ITPR1: variants seen among roughly 807,000 people sequenced by gnomAD.
The protein encoded by ITPR1 is inositol 1,4,5-trisphosphate receptor type 1.
In ITPR1, 96 loss-of-function variants were observed where a neutral mutation model predicts 318.4. That is an observed-to-expected ratio of 0.30 (90% CI 0.26 to 0.36). The LOEUF is 0.36. Among genes scored for constraint, ITPR1 ranks in the 10% least tolerant of loss-of-function variants. ITPR1 has a pLI of 1.00. For missense variants in ITPR1, 2,440 were observed against 3,460.2 expected, an observed-to-expected ratio of 0.71 and a Z score of 7.40; for synonymous variants, 1,312 against 1,289.9, an observed-to-expected ratio of 1.02 and a Z score of -0.37.
At chr3:4,576,051 A>T (rs1384013301) in intron 4 of ITPR1, among the ~76,000 whole-genome samples, 1 of 151,670 alleles carries the variant, frequency 6.6e-6, no homozygotes, top group Non-Finnish European at 1.5e-5. Context: ...GTGGCTGGTG[A>T]TAAGAGATTT....
At chr3:4,789,062 T>C (rs1485725912) in intron 52 of ITPR1, among the ~76,000 whole-genome samples, 1 of 152,190 alleles carries the variant, frequency 6.6e-6, no homozygotes, top group Non-Finnish European at 1.5e-5. Context: ...TAGATCAGGC[T>C]AATGGCAGAT....
intron 61 of ITPR1, 144 bp downstream of exon 61, chr3:4,837,079 C>G (rs2050977431): frequency 4.9e-6 from 3 of 612,354 alleles, no homozygotes; most frequent in East Asian, 3.0e-5. Flanking sequence ...CAAACCCACT[C>G]ACTCCTCCAG....
At chr3:4,532,965 A>G (rs1467576254) in intron 4 of ITPR1, among the ~76,000 whole-genome samples, 1 of 152,192 alleles carries the variant, frequency 6.6e-6, no homozygotes, top group African/African-American at 2.4e-5. Context: ...TGCAGAGGGA[A>G]TTTCTGCTCT....
rs139514488 is a variant in ITPR1, at chr3:4,811,154, C to T, written c.7273-111C>T. On this transcript the variant is annotated intron_variant, in intron 55 of 61. Coordinates refer to ENST00000649015, the MANE Select transcript of ITPR1 (RefSeq NM_001378452.1). ...TTCAGTGTTAAGATCATATGTAGTG[C>T]TTTTGAGTGTCTAAGAGGGCAAACT... The T allele has an allele frequency of 8.2e-4, 514 of 626,248 alleles. 10 individuals are homozygous for T. The Admixed American group carries it at 0.012, about 14-fold the overall frequency. The allele number at this position is 626,248 out of a possible 1,614,324, so 38.8% of individuals were successfully genotyped here. A position where few individuals can be genotyped will look rare whatever the true frequency, so the allele number is the denominator to read the frequency against.
At chr3:4,538,899 G>C (rs1434291612) in intron 4 of ITPR1, among the ~76,000 whole-genome samples, 1 of 152,164 alleles carries the variant, frequency 6.6e-6, no homozygotes, top group African/African-American at 2.4e-5. Flanking sequence ...GGGAGGAAGA[G>C]CATCAGAATA....
intron 32 of ITPR1, among the ~76,000 whole-genome samples, chr3:4,693,081 G>A (rs186048821): frequency 2.0e-5 from 3 of 152,198 alleles, no homozygotes; most frequent in East Asian, 3.9e-4. Flanking sequence ...CCGAGATCAC[G>A]GCATTGCACT....
Position 4,846,239 on chromosome 3 carries a change from AG to A in ITPR1, c.*16del. 1 of 1,514,886 alleles carries A rather than the reference AG, an allele frequency of 6.6e-7. No homozygotes were observed. The highest frequency in any genetic ancestry group is 9.0e-7 in the Non-Finnish European group (1 of 1,112,592). The allele number at this position is 1,514,886 out of a possible 1,614,324, so 93.8% of individuals were successfully genotyped here. On this transcript the variant is annotated 3_prime_UTR_variant, in exon 62 of 62. Coordinates refer to ENST00000649015, the MANE Select transcript of ITPR1 (RefSeq NM_001378452.1). Reference sequence around the variant, plus strand: ...CAACCAGCATAAGCAAATGAAAGAAAGGAATTGTATTTACCTTTTATAATTA... The same window carrying A: ...CAACCAGCATAAGCAAATGAAAGAAAGAATTGTATTTACCTTTTATAATTA...
At chr3:4,512,896 G>A (rs536548140) in intron 2 of ITPR1, among the ~76,000 whole-genome samples, 2 of 152,172 alleles carry the variant, frequency 1.3e-5, no homozygotes, top group Admixed American at 6.5e-5. Flanking sequence ...AGGGTGGAGT[G>A]CGGGAGCTGA....
intron 39 of ITPR1, among the ~76,000 whole-genome samples, chr3:4,714,387 C>T (rs1384064296): frequency 6.6e-6 from 1 of 152,204 alleles, no homozygotes; most frequent in Non-Finnish European, 1.5e-5. Context: ...CCATGACTGA[C>T]ACTTCCCTGG....
intron 59 of ITPR1, among the ~76,000 whole-genome samples, chr3:4,815,425 G>C (rs935084735): frequency 1.3e-5 from 2 of 152,090 alleles, no homozygotes; most frequent in Non-Finnish European, 2.9e-5. Context: ...TACAGACCTG[G>C]GTTCTGACTG....
At chr3:4,542,684 G>GT (rs1553616559) in intron 4 of ITPR1, among the ~76,000 whole-genome samples, 4 of 148,672 alleles carry the variant, frequency 2.7e-5, no homozygotes, top group East Asian at 2.0e-4. Flanking sequence ...TGTGTGTGGC[G>GT]GGGGGGTGGG....
At chr3:4,531,326 C>T (rs2083396179) in intron 4 of ITPR1, among the ~76,000 whole-genome samples, 1 of 152,172 alleles carries the variant, frequency 6.6e-6, no homozygotes, top group African/African-American at 2.4e-5. Context: ...TGAATGATGA[C>T]GTTTTAGATT....
chr3:4,627,503 C>A (rs2092870892), intron 4 of ITPR1, among the ~76,000 whole-genome samples: 1 of 152,038 alleles, frequency 6.6e-6, no homozygotes, highest in Non-Finnish European at 1.5e-5. Context: ...AAAAAAAACA[C>A]AAAACACTGA....
chr3:4,668,685 C>T (rs2094006049), intron 18 of ITPR1, among the ~76,000 whole-genome samples: 1 of 152,162 alleles, frequency 6.6e-6, no homozygotes, highest in African/African-American at 2.4e-5. Context: ...CCAGGCTGGT[C>T]TTGAACTCCT....
intron 40 of ITPR1, 97 bp downstream of exon 40, chr3:4,717,496 C>G: frequency 1.0e-6 from 1 of 971,216 alleles, no homozygotes; most frequent in African/African-American, 1.6e-5. Context: ...AGTCTCACAG[C>G]GTCGAGTATC....
At chr3:4,696,645 C>G (rs1315165700) in intron 33 of ITPR1, among the ~76,000 whole-genome samples, 5 of 146,800 alleles carry the variant, frequency 3.4e-5, no homozygotes, top group Admixed American at 1.4e-4. Flanking sequence ...TCCTTGCTTC[C>G]TAATTGAAGT....
At chr3:4,782,330 C>T (rs1169591532) in intron 49 of ITPR1, 7 of 251,664 alleles carry the variant, frequency 2.8e-5, no homozygotes, top group Non-Finnish European at 5.3e-5. Context: ...TTTCAAGGTG[C>T]TTGAAAGCCA....
intron 15 of ITPR1, among the ~76,000 whole-genome samples, chr3:4,662,820 T>C (rs1320909601): frequency 2.0e-5 from 3 of 152,156 alleles, no homozygotes; most frequent in Non-Finnish European, 4.4e-5. Context: ...GGGAATGAGG[T>C]TACTCTGAGA....
chr3:4,635,820 T>G (rs2093172037), intron 5 of ITPR1, among the ~76,000 whole-genome samples: 2 of 152,140 alleles, frequency 1.3e-5, no homozygotes, highest in South Asian at 4.1e-4. Flanking sequence ...CTGTTGAACC[T>G]AAAAAGAATC....
Sources: allele counts gnomAD v4.1 joint callset (sites outside exome capture counted in the v4.1 genomes callset), GRCh38; gene constraint gnomAD v4.1.1; transcripts MANE v1.5; gene names NCBI Gene and HGNC (gene_info 2026-07-23, HGNC 2026-07-21).